CCNB3: variants seen among roughly 807,000 people sequenced by gnomAD.
The protein encoded by CCNB3 is cyclin B3, also known as G2/mitotic-specific cyclin-B3.
Under a neutral mutation model 68.0 loss-of-function variants are expected in CCNB3, and 12 were observed. That is an observed-to-expected ratio of 0.18 (90% CI 0.11 to 0.29). The LOEUF (loss-of-function observed/expected upper bound fraction) is 0.29. Among genes scored for constraint, CCNB3 ranks in the 10% least tolerant of loss-of-function variants. CCNB3 has a pLI of 1.00. For synonymous variants in CCNB3, 354 were observed against 388.9 expected, an observed-to-expected ratio of 0.91 and a Z score of 1.06; for missense variants, 904 against 993.1, an observed-to-expected ratio of 0.91 and a Z score of 1.21.
At chrX:50,307,835 G>T (rs1921163257) in intron 5 of CCNB3, among the ~76,000 whole-genome samples, 1 of 111,406 alleles carries the variant, frequency 9.0e-6, no homozygotes, top group African/African-American at 3.3e-5. Flanking sequence ...GCTCAGATTG[G>T]TGATTATATC....
intron 11 of CCNB3, among the ~76,000 whole-genome samples, chrX:50,350,851 A>G (rs1923643200): frequency 9.1e-6 from 1 of 109,647 alleles, no homozygotes; most frequent in Admixed American, 9.7e-5. Context: ...CTACACCACC[A>G]TGCCCAGATA....
Position 50,310,801 on chromosome X carries a change from T to C in CCNB3, c.2632T>C (p.Ser878Pro). ...GCAGGAGGCCCTCTTTAAGCGACAC[T>C]CAGCTTTGTGGGAGAAGCCCAGCAC... Reference protein sequence around the residue: ...IEQEALFKRHSALWEKPSTEK... With the variant: ...IEQEALFKRHPALWEKPSTEK... Residue 878 changes from serine (S) to proline (P), a missense_variant, in exon 6 of 13, where the codon TCA becomes CCA. This residue lies in a region of CCNB3 where 619 missense variants were observed against 609.8 expected (regional missense o/e 1.02). Coordinates refer to ENST00000376042, the MANE Select transcript of CCNB3 (RefSeq NM_033031.3). The C allele has an allele frequency of 8.3e-7, 1 of 1,211,588 alleles. No homozygotes were observed. Among genetic ancestry groups the C allele is most frequent in the Non-Finnish European group, 1.1e-6 (1 of 895,449 alleles).
intron 11 of CCNB3, among the ~76,000 whole-genome samples, chrX:50,348,940 G>A (rs148226976): frequency 0.014 from 1,561 of 112,667 alleles, 9 homozygotes; most frequent in Middle Eastern, 0.041. Context: ...ACAGCTGATG[G>A]GTTCAGGCAA....
chrX:50,297,466 T>G (rs1232414817), intron 5 of CCNB3, among the ~76,000 whole-genome samples: 1 of 111,752 alleles, frequency 8.9e-6, no homozygotes, highest in African/African-American at 3.2e-5. Flanking sequence ...TTCTGAGGGC[T>G]CTGTTCTGTT....
intron 10 of CCNB3, among the ~76,000 whole-genome samples, chrX:50,347,104 G>A (rs1923442546): frequency 9.0e-6 from 1 of 111,402 alleles, no homozygotes; most frequent in Non-Finnish European, 1.9e-5. Context: ...TTTGTGGGGG[G>A]ATGCTGGCAA....
At chrX:50,282,432 T>C (rs1416939133) in intron 1 of CCNB3, among the ~76,000 whole-genome samples, 4 of 112,005 alleles carry the variant, frequency 3.6e-5, no homozygotes, top group African/African-American at 1.3e-4. Context: ...AGCTTAGCCC[T>C]GCTGCCCCTT....
chrX:50,288,710 A>G, intron 3 of CCNB3, 70 bp from the exon 4 acceptor site: 1 of 762,695 alleles, frequency 1.3e-6, no homozygotes, highest in Admixed American at 2.5e-5. Context: ...TGAGCCCTAA[A>G]GAGGACCCAA....
At chrX:50,210,235 G>C (rs1308649869) in intron 1 of CCNB3, among the ~76,000 whole-genome samples, 1 of 111,368 alleles carries the variant, frequency 9.0e-6, no homozygotes, top group Non-Finnish European at 1.9e-5. Context: ...TGTATACCTG[G>C]GAGGAGGGGA....
chrX:50,286,613 GTTTT>G (rs369525241), intron 3 of CCNB3, among the ~76,000 whole-genome samples: 10 of 75,363 alleles, frequency 1.3e-4, no homozygotes, highest in African/African-American at 2.1e-4. Flanking sequence ...CCTCAGTTCG[GTTTT>G]TTTTTTTTTT....
At position 50,309,991 on chromosome X, in the gene CCNB3, CAGA is replaced by C; in HGVS notation, c.1826_1828del (p.Lys609del). Reference sequence around the variant, plus strand: ...CCACTTAAAGAAGCCACTGGTCTTGCAGAAGATCACTTCTGAGGAGGAGTCATT... The same window carrying C: ...CCACTTAAAGAAGCCACTGGTCTTGCAGATCACTTCTGAGGAGGAGTCATT... On this transcript the variant is annotated inframe_deletion, in exon 6 of 13. Transcript: ENST00000376042. The C allele has an allele frequency of 8.3e-7, 1 of 1,210,590 alleles. No homozygotes were observed. The highest frequency in any genetic ancestry group is 1.1e-6 in the Non-Finnish European group (1 of 894,685).
At chrX:50,318,282 G>A (rs1176666444) in intron 8 of CCNB3, among the ~76,000 whole-genome samples, 1 of 109,925 alleles carries the variant, frequency 9.1e-6, no homozygotes, top group Admixed American at 9.8e-5. Flanking sequence ...GGGAGGCTGA[G>A]GTGGGTGGAT....
intron 8 of CCNB3, among the ~76,000 whole-genome samples, chrX:50,319,593 T>A (rs1557216291): frequency 9.0e-6 from 1 of 110,924 alleles, no homozygotes; most frequent in Non-Finnish European, 1.9e-5. Context: ...TCTCCATGCT[T>A]TTTATTTTAT....
intron 4 of CCNB3, among the ~76,000 whole-genome samples, chrX:50,292,367 A>G (rs1240667852): frequency 9.4e-6 from 1 of 106,653 alleles, no homozygotes; most frequent in African/African-American, 3.4e-5. Context: ...GTCCCACCCA[A>G]CTCCCCACTT....
At chrX:50,316,051 C>T (rs781969893) in intron 8 of CCNB3, among the ~76,000 whole-genome samples, 1 of 111,281 alleles carries the variant, frequency 9.0e-6, no homozygotes, top group African/African-American at 3.3e-5. Context: ...CCATAATCCC[C>T]ACGTGTTGTG....
At chrX:50,316,157 T>G (rs1466052276) in intron 8 of CCNB3, among the ~76,000 whole-genome samples, 1 of 111,340 alleles carries the variant, frequency 9.0e-6, no homozygotes, top group Non-Finnish European at 1.9e-5. Context: ...CAGATGGTTT[T>G]ATAAAAGGCA....
chrX:50,291,597 A>T (rs1936348559), intron 4 of CCNB3, among the ~76,000 whole-genome samples: 1 of 111,933 alleles, frequency 8.9e-6, no homozygotes, highest in Non-Finnish European at 1.9e-5. Context: ...TGGTGAAAGA[A>T]TTATGGGGAA....
At chrX:50,337,501 T>TTACAG (rs1455170120) in intron 8 of CCNB3, among the ~76,000 whole-genome samples, 6 of 111,111 alleles carry the variant, frequency 5.4e-5, no homozygotes, top group Non-Finnish European at 7.5e-5. Flanking sequence ...GTGCCCTGGC[T>TTACAG]TACAGGTTCC....
chrX:50,216,635 C>T (rs1285238752), intron 1 of CCNB3, among the ~76,000 whole-genome samples: 1 of 112,008 alleles, frequency 8.9e-6, no homozygotes, highest in East Asian at 2.8e-4. Context: ...AATTTATTTA[C>T]ATTTAATATG....
upstream of CCNB3, among the ~76,000 whole-genome samples, chrX:50,204,321 C>A (rs1349447028): frequency 9.0e-6 from 1 of 111,455 alleles, no homozygotes; most frequent in Non-Finnish European, 1.9e-5. Context: ...TCTCATTCTA[C>A]GGGTCTGGAG....
Sources: gnomAD v4.1 joint callset for allele counts (sites outside exome capture counted in the v4.1 genomes callset) on GRCh38, gnomAD v4.1.1 for gene constraint, gnomAD v4.1.1 regional missense constraint, MANE v1.5 for transcripts, NCBI Gene and HGNC (gene_info 2026-07-23, HGNC 2026-07-21) for gene names.